Variants in GRAMD2B observed in about 807,000 individuals in gnomAD.
GRAMD2B encodes the protein GRAM domain containing 2B.
A neutral mutation model predicts 59.2 loss-of-function variants in GRAMD2B; 41 were observed. That is an observed-to-expected ratio of 0.69 (90% CI 0.54 to 0.90). The LOEUF (loss-of-function observed/expected upper bound fraction) is 0.90, where lower values mean the gene tolerates loss of function less well. Ranked by LOEUF, GRAMD2B falls within the 40% of genes least tolerant of loss-of-function variation. The pLI is 0.00. For synonymous variants in GRAMD2B, 161 were observed against 182.7 expected (o/e 0.88, Z 0.96); for missense variants, 424 against 500.5 (o/e 0.85, Z 1.46).
chr5:126,444,957 C>A (rs1763941053), intron 1 of GRAMD2B, among the ~76,000 whole-genome samples: 1 of 152,182 alleles, frequency 6.6e-6, no homozygotes, highest in African/African-American at 2.4e-5. Context: ...GTTTGATTTT[C>A]TTTTCCTGCA....
At chr5:126,442,489 A>C (rs1202975431) in intron 1 of GRAMD2B, among the ~76,000 whole-genome samples, 1 of 151,898 alleles carries the variant, frequency 6.6e-6, no homozygotes, top group Admixed American at 6.6e-5. Context: ...ATGGGGTTTC[A>C]CCATGTTGGC....
Position 126,423,423 on chromosome 5 carries a change from C to T in GRAMD2B, c.-184C>T. On this transcript the variant is annotated 5_prime_UTR_variant, in exon 1 of 14. Transcript: ENST00000285689. ...TGGGTCGGACCAATCGCGCCCGCTC[C>T]GACGTGTCCAGGTCCGCGGCCCCGG... 4 of 1,382,958 alleles carry T rather than the reference C, an allele frequency of 2.9e-6. No homozygotes were observed. Among genetic ancestry groups the T allele is most frequent in the Non-Finnish European group, 3.7e-6 (4 of 1,073,072 alleles). The allele number at this position is 1,382,958 out of a possible 1,614,324, so 85.7% of individuals were successfully genotyped here.
chr5:126,423,294 C>T (rs1759956275), upstream of GRAMD2B: 1 of 1,204,920 alleles, frequency 8.3e-7, no homozygotes, highest in East Asian at 4.8e-5. Context: ...CCGAAAGACT[C>T]GTTCAACAGG....
intron 1 of GRAMD2B, among the ~76,000 whole-genome samples, chr5:126,440,470 G>A (rs1195441427): frequency 1.3e-5 from 2 of 152,092 alleles, no homozygotes; most frequent in African/African-American, 2.4e-5. Flanking sequence ...AGGTTCAGAA[G>A]GAAATCCAAA....
At chr5:126,377,738 C>T (rs907706286) in intron 1 of GRAMD2B, among the ~76,000 whole-genome samples, 1 of 152,148 alleles carries the variant, frequency 6.6e-6, no homozygotes, top group African/African-American at 2.4e-5. Context: ...AGCCAATATG[C>T]CCTGCTCTGG....
chr5:126,401,303 C>T (rs1247985854), intron 1 of GRAMD2B, among the ~76,000 whole-genome samples: 1 of 151,886 alleles, frequency 6.6e-6, no homozygotes, highest in Non-Finnish European at 1.5e-5. Flanking sequence ...TTTATTATTT[C>T]TATCTTGCTG....
chr5:126,445,641 G>T (rs181910277), intron 1 of GRAMD2B: 1 of 151,538 alleles, frequency 6.6e-6, no homozygotes, highest in African/African-American at 2.4e-5. Flanking sequence ...GGGTGAGGAG[G>T]GGGTGGGAGG....
intron 1 of GRAMD2B, among the ~76,000 whole-genome samples, chr5:126,389,297 GAAATAC>G (rs1478977399): frequency 6.6e-6 from 1 of 152,170 alleles, no homozygotes; most frequent in African/African-American, 2.4e-5. Context: ...AGTGTTACTT[GAAATAC>G]CTTTGGCTGG....
rs1262541272 is a variant in GRAMD2B, at chr5:126,383,925, A to G, written c.125+12358A>G. ...AGAACTACGTGAGATTCCCAGGTCT[A>G]CACTGACTCATTATATGATTCTGTG... On this transcript the variant is annotated intron_variant, in intron 1 of 8. Transcript: ENST00000506445. Among the ~76,000 whole-genome samples, 8 of 152,296 alleles carry G rather than the reference A, an allele frequency of 5.3e-5. No individual in the cohort carries two copies. The South Asian group carries it at 1.2e-3, about 24-fold the overall frequency.
intron 1 of GRAMD2B, among the ~76,000 whole-genome samples, chr5:126,442,436 C>T (rs778172679): frequency 2.0e-4 from 30 of 151,702 alleles, no homozygotes; most frequent in Non-Finnish European, 3.2e-4. Flanking sequence ...GGATTACAGG[C>T]GCCCACCACC....
At chr5:126,360,687 G>A (rs1298203674) in intron 1 of GRAMD2B, among the ~76,000 whole-genome samples, 26 of 152,144 alleles carry the variant, frequency 1.7e-4, no homozygotes, top group Admixed American at 1.7e-3. Context: ...AGTACATTTT[G>A]CTTATAGGTG....
rs186475939 is a variant in GRAMD2B at position 126,437,496 on chromosome 5, T to C, written c.83+13807T>C. Among the ~76,000 whole-genome samples the C allele has an allele frequency of 3.8e-3, 584 of 152,260 alleles. 2 individuals carry two copies. The highest frequency in any genetic ancestry group is 6.7e-3 in the Non-Finnish European group (453 of 68,022). ...GATAGATTTGGCAATTGTTGGCCTA[T>C]AGGTAAGAGTTAAAATCATGAGAGT... On this transcript the variant is annotated intron_variant, in intron 1 of 13. Transcript: ENST00000285689.
chr5:126,469,357 A>C (rs1472641349), intron 2 of GRAMD2B, among the ~76,000 whole-genome samples: 1 of 152,194 alleles, frequency 6.6e-6, no homozygotes, highest in Non-Finnish European at 1.5e-5. Flanking sequence ...AATGTATCTC[A>C]TAGGCCAGGT....
intron 1 of GRAMD2B, among the ~76,000 whole-genome samples, chr5:126,441,058 T>A (rs1367685191): frequency 2.0e-5 from 3 of 152,218 alleles, no homozygotes; most frequent in Non-Finnish European, 4.4e-5. Context: ...AATTATGTTT[T>A]CTTATTTTTT....
chr5:126,369,398 T>C (rs528559262), upstream of GRAMD2B, among the ~76,000 whole-genome samples: 14 of 152,286 alleles, frequency 9.2e-5, no homozygotes, highest in African/African-American at 3.1e-4. Context: ...AAATGTAATT[T>C]GGGCAACGAT....
At chr5:126,466,103 T>C (rs1768323568) in intron 2 of GRAMD2B, among the ~76,000 whole-genome samples, 3 of 152,274 alleles carry the variant, frequency 2.0e-5, no homozygotes, top group South Asian at 2.1e-4. Flanking sequence ...TAAAGTTGCT[T>C]TGGGGCACTT....
chr5:126,390,531 T>A (rs1756634220), intron 1 of GRAMD2B, among the ~76,000 whole-genome samples: 1 of 152,248 alleles, frequency 6.6e-6, no homozygotes, highest in Non-Finnish European at 1.5e-5. Flanking sequence ...CAAAGAGGAA[T>A]ATCATTGTTT....
chr5:126,388,441 T>C (rs771601470), intron 1 of GRAMD2B, among the ~76,000 whole-genome samples: 1 of 152,056 alleles, frequency 6.6e-6, no homozygotes, highest in Non-Finnish European at 1.5e-5. Flanking sequence ...ATTTTCTAAA[T>C]ATTATAATGA....
At chr5:126,398,895 T>C (rs1561479743) in intron 1 of GRAMD2B, among the ~76,000 whole-genome samples, 1 of 152,210 alleles carries the variant, frequency 6.6e-6, no homozygotes, top group Non-Finnish European at 1.5e-5. Context: ...TTTCCACATA[T>C]TTGTGAATTT....
Sources: allele counts gnomAD v4.1 joint callset (sites outside exome capture counted in the v4.1 genomes callset), GRCh38; gene constraint gnomAD v4.1.1; transcripts MANE v1.5; gene names NCBI Gene and HGNC (gene_info 2026-07-23, HGNC 2026-07-21).